Variants in ZNF157 observed in about 807,000 individuals in gnomAD.
ZNF157 encodes zinc finger protein 22.
In ZNF157, 8 loss-of-function variants were observed where a neutral mutation model predicts 9.4. That is an observed-to-expected ratio of 0.85 (90% CI 0.50 to 1.53). ZNF157 has a LOEUF of 1.53. ZNF157 is among the 40% of genes most tolerant of loss of function. ZNF157 has a pLI of 0.00. For missense variants in ZNF157, 316 were observed against 385.2 expected, an observed-to-expected ratio of 0.82 and a Z score of 1.50; for synonymous variants, 120 against 130.8, an observed-to-expected ratio of 0.92 and a Z score of 0.56.
At position 47,413,190 on chromosome X, in the gene ZNF157, C is replaced by T. The variant is rs2055971775; in HGVS notation, c.1117C>T (p.Leu373Phe). The T allele has an allele frequency of 8.3e-7, 1 of 1,210,342 alleles. No individual in the cohort carries two copies. The highest frequency in any genetic ancestry group is 1.7e-5 in the African/African-American group (1 of 57,361). The change falls in exon 4 of 4, where the codon CTT becomes TTT. Residue 373 changes from leucine to phenylalanine, a missense_variant. By Grantham distance (22) the Leu-to-Phe change is conservative. Around this residue, in one of 3 missense-constraint regions of ZNF157, gnomAD observed 167 missense variants for 183.6 expected, o/e 0.91. Transcript: ENST00000377073. Reference sequence around the variant, plus strand: ...GAAATCTTTCAGGGTGCACTCATCTCTTGGGATCCATCAGAGAATTCACAC... The same window carrying T: ...GAAATCTTTCAGGGTGCACTCATCTTTTGGGATCCATCAGAGAATTCACAC... ...CGKSFRVHSS[L>F]GIHQRIHTGE...
intron 1 of ZNF157, among the ~76,000 whole-genome samples, chrX:47,388,289 G>T (rs2055886202): frequency 9.1e-6 from 1 of 109,303 alleles, no homozygotes; most frequent in South Asian, 3.9e-4. Flanking sequence ...GGTCTATGTT[G>T]CCCTGGCTGG....
Position 47,412,997 on chromosome X carries a change from G to A in ZNF157, c.924G>A (p.Gly308=), listed in dbSNP as rs147719771. The change falls in exon 4 of 4, where the codon GGG becomes GGA. Residue 308 remains glycine, a synonymous_variant. Transcript: ENST00000377073. The part of the protein sequence containing the change: ...GEKPYECGEC[G]KNFRAKKSLN... Reference sequence around the variant, plus strand: ...AACCTTATGAATGTGGGGAGTGTGGGAAAAACTTCCGTGCAAAGAAATCCC... The same window carrying A: ...AACCTTATGAATGTGGGGAGTGTGGAAAAAACTTCCGTGCAAAGAAATCCC... The A allele has an allele frequency of 2.7e-3, 3,305 of 1,208,563 alleles. 6 individuals carry two copies. The highest frequency in any genetic ancestry group is 3.5e-3 in the Non-Finnish European group (3,108 of 894,397).
chrX:47,377,125 A>G (rs972000001), intron 1 of ZNF157, among the ~76,000 whole-genome samples: 2 of 107,173 alleles, frequency 1.9e-5, no homozygotes, highest in African/African-American at 6.8e-5. Context: ...TGTGGCCCCC[A>G]CCCAGGAACT....
At chrX:47,371,636 C>G (rs1263959761) in intron 1 of ZNF157, among the ~76,000 whole-genome samples, 1 of 111,524 alleles carries the variant, frequency 9.0e-6, no homozygotes, top group African/African-American at 3.3e-5. Context: ...GAGACAGAGT[C>G]TTGCCCTGTC....
chrX:47,376,135 G>A (rs1331748947), intron 1 of ZNF157, among the ~76,000 whole-genome samples: 3 of 112,029 alleles, frequency 2.7e-5, no homozygotes. Context: ...TGAATTGGAA[G>A]TACCACAGTT....
At chrX:47,402,865 G>A (rs1214865682) in intron 1 of ZNF157, among the ~76,000 whole-genome samples, 1 of 109,762 alleles carries the variant, frequency 9.1e-6, no homozygotes, top group Non-Finnish European at 1.9e-5. Context: ...TGGATTTAGA[G>A]GATACAAGTA....
chrX:47,380,425 C>T (rs1337934491), intron 1 of ZNF157, among the ~76,000 whole-genome samples: 1 of 111,624 alleles, frequency 9.0e-6, no homozygotes, highest in Non-Finnish European at 1.9e-5. Flanking sequence ...TGATTCTTAC[C>T]TTGGGGTGGG....
chrX:47,389,086 A>G (rs1019849311), intron 1 of ZNF157, among the ~76,000 whole-genome samples: 1 of 111,961 alleles, frequency 8.9e-6, no homozygotes, highest in Non-Finnish European at 1.9e-5. Context: ...TGCTGGGAGT[A>G]CAGGTGTGAA....
In ZNF157 at chrX:47,413,057, AC is replaced by A. The variant is rs1484766790; in HGVS notation, c.987del (p.Tyr330MetfsTer12). The A allele has an allele frequency of 8.3e-7, 1 of 1,209,589 alleles. No homozygotes were observed. The highest frequency in any genetic ancestry group is 1.1e-6 in the Non-Finnish European group (1 of 894,815). On this transcript the variant is annotated frameshift_variant, in exon 4 of 4. Coordinates refer to ENST00000377073, the MANE Select transcript of ZNF157 (RefSeq NM_003446.4). LOFTEE classifies it low-confidence loss of function (END_TRUNC). ...ATCAAAGAATTCACACAGGTGAGAA[AC>A]CCTATGAGTGTGGTGAATGTGGGAA... is the stretch of plus-strand genomic sequence containing the variant. ...QHQRIHTGEKPYECGECGKFF... is the reference protein window; with the variant it reads ...QHQRIHTGEKXYECGECGKFF...
intron 1 of ZNF157, among the ~76,000 whole-genome samples, chrX:47,377,831 CT>C (rs1052663046): frequency 9.2e-6 from 1 of 108,365 alleles, no homozygotes; most frequent in African/African-American, 3.4e-5. Context: ...TGTTGAGGAC[CT>C]TTTTATATGC....
rs914453635 is a variant in ZNF157, at chrX:47,387,747, A to G, written c.72+17007A>G. Among the ~76,000 whole-genome samples the G allele has an allele frequency of 2.4e-4, 26 of 107,830 alleles. 1 individual carries two copies. Among genetic ancestry groups the G allele is most frequent in the African/African-American group, 8.1e-4 (24 of 29,721 alleles). The allele number at this position is 107,830 out of a possible 115,157, so 93.6% of individuals were successfully genotyped here. A position where few individuals can be genotyped will look rare whatever the true frequency, so the allele number is the denominator to read the frequency against. On this transcript the variant is annotated intron_variant, in intron 1 of 3. Transcript: ENST00000377073. ...TGAAACCCCCATCTCTACTAAAAAT[A>G]CAAAAACTAGCCAGGCATGGTGGCA...
intron 1 of ZNF157, among the ~76,000 whole-genome samples, chrX:47,374,358 T>A (rs1467128108): frequency 9.1e-6 from 1 of 109,934 alleles, no homozygotes; most frequent in East Asian, 2.8e-4. Flanking sequence ...ATTGTGGGAT[T>A]GTATGCCAAG....
intron 1 of ZNF157, among the ~76,000 whole-genome samples, chrX:47,393,745 T>TCCCCCC (rs1569258580): frequency 5.1e-4 from 25 of 48,889 alleles, no homozygotes; most frequent in Admixed American, 7.8e-4. Context: ...CCCCCGCCCT[T>TCCCCCC]TTTTTTTTTT....
At chrX:47,394,127 A>G (rs1314072592) in intron 1 of ZNF157, among the ~76,000 whole-genome samples, 1 of 109,479 alleles carries the variant, frequency 9.1e-6, no homozygotes, top group Non-Finnish European at 1.9e-5. Context: ...ACGCCCGGCT[A>G]ATTTTTTTGT....
At chrX:47,400,144 G>GCAC (rs1468001118) in intron 1 of ZNF157, among the ~76,000 whole-genome samples, 4 of 109,248 alleles carry the variant, frequency 3.7e-5, no homozygotes, top group Non-Finnish European at 7.6e-5. Flanking sequence ...CTACAGGCAC[G>GCAC]CACCACCACA....
intron 1 of ZNF157, among the ~76,000 whole-genome samples, chrX:47,385,863 C>T (rs1273812755): frequency 1.8e-5 from 2 of 110,709 alleles, no homozygotes; most frequent in African/African-American, 6.6e-5. Flanking sequence ...CCACTGCACC[C>T]GGCCATGATT....
chrX:47,376,825 A>G (rs1273587181), intron 1 of ZNF157, among the ~76,000 whole-genome samples: 3 of 111,618 alleles, frequency 2.7e-5, no homozygotes, highest in African/African-American at 6.5e-5. Context: ...ATTCCCGAGC[A>G]TAGGCTGAAC....
intron 1 of ZNF157, among the ~76,000 whole-genome samples, chrX:47,400,578 G>A (rs1288932968): frequency 8.9e-6 from 1 of 112,253 alleles, no homozygotes; most frequent in Non-Finnish European, 1.9e-5. Flanking sequence ...TGGATACTAT[G>A]CTGTAAGGTG....
Position 47,412,436 on chromosome X carries a change from T to C in ZNF157, c.363T>C (p.Leu121=), listed in dbSNP as rs774716856. Residue 121 remains leucine (L), a synonymous_variant, in exon 4 of 4, where the codon CTT becomes CTC. Transcript: ENST00000377073. ...ATGCCCTCAGGCATGATAATGACCT[T>C]CTTCACCATCAGAAGATTCAAACAT... ...GDNALRHDND[L]LHHQKIQTLD... 8.3e-7 allele frequency: 1 copy of C among 1,211,849 alleles called. No individual in the cohort carries two copies. Among genetic ancestry groups the C allele is most frequent in the African/African-American group, 1.7e-5 (1 of 57,939 alleles).
Sources: gnomAD v4.1 joint callset for allele counts (sites outside exome capture counted in the v4.1 genomes callset) on GRCh38, gnomAD v4.1.1 for gene constraint, gnomAD v4.1.1 regional missense constraint, MANE v1.5 for transcripts, NCBI Gene and HGNC (gene_info 2026-07-23, HGNC 2026-07-21) for gene names.